ZC3H12B: variants seen among roughly 807,000 people sequenced by gnomAD.
ZC3H12B encodes probable ribonuclease ZC3H12B.
ZC3H12B carries 7 observed loss-of-function variants against 43.9 expected under a neutral mutation model. The observed-to-expected ratio is 0.16, with a 90% CI of 0.09 to 0.30. ZC3H12B has a LOEUF of 0.30. Ranked by LOEUF, ZC3H12B falls within the 10% of genes least tolerant of loss-of-function variation. The pLI is 1.00. For missense variants in ZC3H12B, 475 were observed against 670.2 expected, an observed-to-expected ratio of 0.71 and a Z score of 3.22; for synonymous variants, 222 against 241.7, an observed-to-expected ratio of 0.92 and a Z score of 0.76.
the ZC3H12B span, among the ~76,000 whole-genome samples, chrX:65,330,030 G>A: frequency 3.6e-5 from 4 of 111,594 alleles, no homozygotes; most frequent in South Asian, 3.7e-4. Flanking sequence ...TTGGCAATGC[G>A]GGCTCTTTTT....
At chrX:65,231,690 T>TA in the ZC3H12B span, among the ~76,000 whole-genome samples, 1 of 111,224 alleles carries the variant, frequency 9.0e-6, no homozygotes, top group Non-Finnish European at 1.9e-5. Flanking sequence ...AATATGGCTC[T>TA]ATTCTGCCCG....
chrX:65,367,759 G>A (rs918870936), intron 1 of ZC3H12B, among the ~76,000 whole-genome samples: 2 of 109,914 alleles, frequency 1.8e-5, no homozygotes, highest in Non-Finnish European at 3.8e-5. Context: ...CACACCCTTA[G>A]GAGGTCTTAA....
the ZC3H12B span, among the ~76,000 whole-genome samples, chrX:65,300,132 C>G: frequency 8.9e-6 from 1 of 112,144 alleles, no homozygotes; most frequent in African/African-American, 3.2e-5. Flanking sequence ...ACAATTTCAA[C>G]TGAACACGAA....
chrX:65,170,933 G>T, the ZC3H12B span, among the ~76,000 whole-genome samples: 2 of 111,494 alleles, frequency 1.8e-5, no homozygotes, highest in East Asian at 2.8e-4. Context: ...TTAGCCATTC[G>T]TCTAATATTT....
intron 3 of ZC3H12B, among the ~76,000 whole-genome samples, chrX:65,479,005 A>G (rs1461670620): frequency 8.9e-6 from 1 of 112,498 alleles, no homozygotes; most frequent in Non-Finnish European, 1.9e-5. Flanking sequence ...ATTGTTTTCA[A>G]CAAACATCCC....
chrX:65,122,452 G>A, the ZC3H12B span, among the ~76,000 whole-genome samples: 5 of 110,986 alleles, frequency 4.5e-5, no homozygotes, highest in South Asian at 3.8e-4. Context: ...AAAGACCATC[G>A]AGGCTAGGAG....
At chrX:65,162,143 G>A in the ZC3H12B span, among the ~76,000 whole-genome samples, 55 of 111,682 alleles carry the variant, frequency 4.9e-4, no homozygotes, top group African/African-American at 1.6e-3. Flanking sequence ...TCAGCTGTTA[G>A]TCTGATGGGC....
chrX:65,118,395 T>C, the ZC3H12B span, among the ~76,000 whole-genome samples: 1 of 111,774 alleles, frequency 8.9e-6, no homozygotes, highest in African/African-American at 3.3e-5. Context: ...ATGCTTGTGA[T>C]TTTTGCACAT....
At chrX:65,250,258 A>G in the ZC3H12B span, among the ~76,000 whole-genome samples, 1 of 111,683 alleles carries the variant, frequency 9.0e-6, no homozygotes, top group Non-Finnish European at 1.9e-5. Context: ...CCTACAAAGG[A>G]AATGAACTCA....
the ZC3H12B span, among the ~76,000 whole-genome samples, chrX:65,066,042 T>C: frequency 9.2e-6 from 1 of 108,828 alleles, no homozygotes; most frequent in Non-Finnish European, 1.9e-5. Context: ...GCAGCTCCTG[T>C]AACCTTTTTT....
At chrX:65,456,968 C>A (rs1334844340) in intron 3 of ZC3H12B, among the ~76,000 whole-genome samples, 2 of 104,064 alleles carry the variant, frequency 1.9e-5, no homozygotes, top group Non-Finnish European at 3.9e-5. Context: ...AGCGTCTCTG[C>A]CTGGCCGCCA....
the ZC3H12B span, among the ~76,000 whole-genome samples, chrX:65,241,406 G>A: frequency 9.4e-6 from 1 of 106,252 alleles, no homozygotes; most frequent in Non-Finnish European, 1.9e-5. Context: ...GGAGCCGGCA[G>A]GCTAGAACTG....
At chrX:65,251,418 C>T in the ZC3H12B span, among the ~76,000 whole-genome samples, 3 of 111,444 alleles carry the variant, frequency 2.7e-5, no homozygotes, top group Admixed American at 9.6e-5. Flanking sequence ...CTTGGCAATG[C>T]GGGCTCTTTC....
chrX:65,221,611 G>A, the ZC3H12B span, among the ~76,000 whole-genome samples: 7 of 110,283 alleles, frequency 6.3e-5, no homozygotes, highest in African/African-American at 3.3e-5. Context: ...TAAATTTGTG[G>A]AAATATGCAA....
intron 3 of ZC3H12B, among the ~76,000 whole-genome samples, chrX:65,428,590 T>C (rs1281800106): frequency 8.9e-6 from 1 of 112,954 alleles, no homozygotes; most frequent in Non-Finnish European, 1.9e-5. Flanking sequence ...TGTAGTTTGT[T>C]TCTTAGCACT....
chrX:65,237,569 G>T, the ZC3H12B span, among the ~76,000 whole-genome samples: 2 of 107,378 alleles, frequency 1.9e-5, no homozygotes, highest in Non-Finnish European at 3.8e-5. Flanking sequence ...TCTCTTGCCT[G>T]ATTTTCCTGT....
intron 3 of ZC3H12B, among the ~76,000 whole-genome samples, chrX:65,434,473 GC>G (rs1414478706): frequency 2.3e-4 from 26 of 111,899 alleles, no homozygotes; most frequent in African/African-American, 8.1e-4. Context: ...AATTGTTAGA[GC>G]CCTTTCTAAC....
At chrX:65,400,316 T>A (rs1358778659) in intron 3 of ZC3H12B, among the ~76,000 whole-genome samples, 2 of 111,029 alleles carry the variant, frequency 1.8e-5, no homozygotes, top group Non-Finnish European at 3.8e-5. Context: ...CTCAGAGAAT[T>A]TTAGAAATCA....
At chrX:65,392,110 C>T (rs1012297276) in intron 2 of ZC3H12B, among the ~76,000 whole-genome samples, 7 of 111,239 alleles carry the variant, frequency 6.3e-5, no homozygotes, top group South Asian at 3.8e-4. Flanking sequence ...GATCTCGGCT[C>T]GCTACAACCC....
Sources: allele counts gnomAD v4.1 joint callset (sites outside exome capture counted in the v4.1 genomes callset), GRCh38; gene constraint gnomAD v4.1.1; transcripts MANE v1.5; gene names NCBI Gene and HGNC (gene_info 2026-07-23, HGNC 2026-07-21).